LPGAT1: variants seen among roughly 807,000 people sequenced by gnomAD.
The protein encoded by LPGAT1 is acyl-CoA:lysophosphatidylglycerol acyltransferase 1.
A neutral mutation model predicts 47.5 loss-of-function variants in LPGAT1; 11 were observed. The observed-to-expected ratio is 0.23, with a 90% CI of 0.15 to 0.38. The LOEUF (loss-of-function observed/expected upper bound fraction) is 0.38, where lower values mean the gene tolerates loss of function less well. Among genes scored for constraint, LPGAT1 ranks in the 10% least tolerant of loss-of-function variants. LPGAT1 has a pLI of 1.00. For synonymous variants in LPGAT1, 138 were observed against 144.2 expected, an observed-to-expected ratio of 0.96 and a Z score of 0.31; for missense variants, 293 against 439.0, an observed-to-expected ratio of 0.67 and a Z score of 2.97.
chr1:211,779,056 GAAAA>G lies in LPGAT1; in HGVS notation c.728-16_728-13del, dbSNP rs747324928. ...TTTTGATTTGCTGTCTGAGAACAAA[GAAAA>G]AAAGACTTAAAATTAAATCAACTTT... On this transcript the variant is annotated splice_polypyrimidine_tract_variant and intron_variant, in intron 5 of 7. Coordinates refer to ENST00000366997, the MANE Select transcript of LPGAT1 (RefSeq NM_014873.3). 1.3e-6 allele frequency: 2 copies of G among 1,556,042 alleles called. No individual in the cohort carries two copies. The highest frequency in any genetic ancestry group is 2.4e-5 in the South Asian group (2 of 82,150).
chr1:211,750,071 A>G, intron 7 of LPGAT1, 21 bp from the exon 8 acceptor site: 1 of 1,607,102 alleles, frequency 6.2e-7, no homozygotes, highest in African/African-American at 1.3e-5. Context: ...AGATAGAAAT[A>G]TTAGTTTGTT....
rs755340580 is a variant in LPGAT1 at position 211,783,196 on chromosome 1, C to T, written c.727+33G>A. ...GTAACTCCAGAAAATCCTTTAACTC[C>T]AACAAGGTAAAAAATGCTAAAAACC... On this transcript the variant is annotated intron_variant, in intron 5 of 7. Coordinates refer to ENST00000366997, the MANE Select transcript of LPGAT1 (RefSeq NM_014873.3). 1.0e-5 allele frequency: 16 copies of T among 1,556,576 alleles called. No individual in the cohort carries two copies. The African/African-American group carries it at 2.1e-4, about 20-fold the overall frequency.
chr1:211,778,770 A>G (rs1658517484), intron 6 of LPGAT1, 148 bp downstream of exon 6: 3 of 566,336 alleles, frequency 5.3e-6, no homozygotes, highest in Non-Finnish European at 8.5e-6. Context: ...CCTACTTCAA[A>G]TGATATTTTA....
intron 3 of LPGAT1, among the ~76,000 whole-genome samples, chr1:211,791,095 T>G (rs1659092517): frequency 1.2e-5 from 1 of 84,640 alleles, no homozygotes; most frequent in South Asian, 4.8e-4. Flanking sequence ...TTCAAGATCC[T>G]GAATCTAAGA....
intron 2 of LPGAT1, among the ~76,000 whole-genome samples, chr1:211,807,398 C>T (rs1237540790): frequency 1.3e-5 from 2 of 151,902 alleles, no homozygotes; most frequent in Non-Finnish European, 1.5e-5. Flanking sequence ...AATTTTTGCA[C>T]ATAAGTGAAT....
chr1:211,816,061 G>A (rs112343905), intron 2 of LPGAT1, among the ~76,000 whole-genome samples: 8 of 152,136 alleles, frequency 5.3e-5, no homozygotes, highest in South Asian at 4.1e-4. Flanking sequence ...GATTACAGGC[G>A]TGAGCCACTG....
At chr1:211,775,882 G>T (rs1453085526) in intron 6 of LPGAT1, among the ~76,000 whole-genome samples, 1 of 142,196 alleles carries the variant, frequency 7.0e-6, no homozygotes, top group Admixed American at 7.7e-5. Flanking sequence ...GGTGAGTCGA[G>T]ATCACACCAT....
chr1:211,795,658 C>T (rs1406247564), intron 2 of LPGAT1, among the ~76,000 whole-genome samples: 3 of 152,162 alleles, frequency 2.0e-5, no homozygotes, highest in Non-Finnish European at 4.4e-5. Context: ...TGAGCCACCG[C>T]GCCCAGCCTA....
intron 6 of LPGAT1, among the ~76,000 whole-genome samples, chr1:211,765,614 AC>A (rs1354818467): frequency 4.6e-5 from 7 of 152,084 alleles, no homozygotes; most frequent in African/African-American, 4.8e-5. Context: ...GACATGGTAA[AC>A]CCCCAAAGAG....
intron 2 of LPGAT1, among the ~76,000 whole-genome samples, chr1:211,806,928 G>C (rs1659782978): frequency 6.6e-6 from 1 of 152,064 alleles, no homozygotes; most frequent in Non-Finnish European, 1.5e-5. Context: ...TATTATACCA[G>C]AAGTCCTAGC....
chr1:211,752,515 C>T (rs1019624669), intron 6 of LPGAT1, among the ~76,000 whole-genome samples: 1 of 152,126 alleles, frequency 6.6e-6, no homozygotes, highest in Non-Finnish European at 1.5e-5. Context: ...AGACCTCCTG[C>T]CCTTCTAATC....
At chr1:211,805,506 G>A (rs1202054555) in intron 2 of LPGAT1, among the ~76,000 whole-genome samples, 1 of 152,136 alleles carries the variant, frequency 6.6e-6, no homozygotes, top group African/African-American at 2.4e-5. Flanking sequence ...TGAAAAGTCA[G>A]GGACCATCTG....
intron 6 of LPGAT1, among the ~76,000 whole-genome samples, chr1:211,753,792 A>T (rs568045612): frequency 2.6e-4 from 40 of 152,290 alleles, no homozygotes; most frequent in Non-Finnish European, 4.1e-4. Context: ...ATTACTAGTT[A>T]TCTGACATTC....
chr1:211,774,971 TA>T (rs1270704865), intron 6 of LPGAT1, among the ~76,000 whole-genome samples: 11 of 152,244 alleles, frequency 7.2e-5, no homozygotes, highest in East Asian at 1.9e-4. Context: ...AATTTTTTTT[TA>T]AAAAAAAGAA....
intron 6 of LPGAT1, among the ~76,000 whole-genome samples, chr1:211,776,052 C>CTT (rs11458103): frequency 6.1e-5 from 9 of 148,516 alleles, no homozygotes; most frequent in Admixed American, 6.7e-5. Context: ...TATGTTGGCT[C>CTT]TTTTTTTTTT....
chr1:211,785,045 T>C (rs990096953), intron 4 of LPGAT1, among the ~76,000 whole-genome samples: 41 of 152,214 alleles, frequency 2.7e-4, no homozygotes, highest in African/African-American at 5.5e-4. Flanking sequence ...CCTTGTGATC[T>C]GCCCCCCTTG....
intron 2 of LPGAT1, among the ~76,000 whole-genome samples, chr1:211,802,472 T>C (rs536027723): frequency 6.6e-6 from 1 of 151,600 alleles, no homozygotes; most frequent in East Asian, 1.9e-4. Context: ...AATATCTATA[T>C]TGAGGTAAGA....
rs961537303 is a variant in LPGAT1 at position 211,830,428 on chromosome 1, C to T, written c.-28+145G>A. On this transcript the variant is annotated intron_variant, in intron 1 of 7. Coordinates refer to ENST00000366997, the MANE Select transcript of LPGAT1 (RefSeq NM_014873.3). This position sits in a 1 kb window ranked among gnomAD's most constrained non-coding sequence, Gnocchi z 5.9. ...ATGCCCCGCGCCCCCGCCTCCTCCC[C>T]GGGGCCTACCGCGCCCTCGTCCCTC... The T allele has an allele frequency of 6.0e-6, 7 of 1,175,684 alleles. No homozygotes were observed. In the African/African-American group the frequency reaches 9.6e-5, roughly 16 times the overall value. 72.8% of individuals were successfully genotyped at this position (1,175,684 alleles called of 1,614,324 possible).
chr1:211,768,077 A>T (rs1658015637), intron 6 of LPGAT1, among the ~76,000 whole-genome samples: 1 of 152,166 alleles, frequency 6.6e-6, no homozygotes, highest in Non-Finnish European at 1.5e-5. Flanking sequence ...GAATTATGTA[A>T]ATTAAAATCT....
Sources: allele counts gnomAD v4.1 joint callset (sites outside exome capture counted in the v4.1 genomes callset), GRCh38; gene constraint gnomAD v4.1.1; non-coding constraint Gnocchi (gnomAD v3.1); transcripts MANE v1.5; gene names NCBI Gene and HGNC (gene_info 2026-07-23, HGNC 2026-07-21).